TBC1D4: variants seen among roughly 807,000 people sequenced by gnomAD.
The protein encoded by TBC1D4 is TBC (Tre-2, BUB2, CDC16) domain-containing protein.
In TBC1D4, 121 loss-of-function variants were observed where a neutral mutation model predicts 142.5. The observed-to-expected ratio is 0.85, with a 90% CI of 0.73 to 0.99. The LOEUF (loss-of-function observed/expected upper bound fraction) is 0.99. TBC1D4 is among the 50% of genes least tolerant of loss of function. The pLI is 0.00. For synonymous variants in TBC1D4, 630 were observed against 628.2 expected (o/e 1.00, Z -0.04); for missense variants, 1,475 against 1,606.6 (o/e 0.92, Z 1.40).
intron 4 of TBC1D4, among the ~76,000 whole-genome samples, chr13:75,353,631 G>T (rs1383463838): frequency 1.3e-5 from 2 of 152,092 alleles, no homozygotes; most frequent in Non-Finnish European, 2.9e-5. Context: ...GCAAAAAAGG[G>T]GGTCAAGAAA....
intron 1 of TBC1D4, among the ~76,000 whole-genome samples, chr13:75,441,174 T>C (rs1239553000): frequency 6.6e-6 from 1 of 152,072 alleles, no homozygotes; most frequent in African/African-American, 2.4e-5. Flanking sequence ...GAGAATCACT[T>C]GAACCTGGGA....
intron 1 of TBC1D4, among the ~76,000 whole-genome samples, chr13:75,451,504 A>C (rs1466540960): frequency 1.3e-5 from 2 of 149,362 alleles, no homozygotes. Context: ...TTTGAGTGAG[A>C]CTCCATCTCT....
chr13:75,448,106 G>T (rs144127085), intron 1 of TBC1D4, among the ~76,000 whole-genome samples: 1 of 152,226 alleles, frequency 6.6e-6, no homozygotes, highest in East Asian at 1.9e-4. Context: ...TGCCAAAAAG[G>T]TTGGGGACTG....
intron 11 of TBC1D4, among the ~76,000 whole-genome samples, chr13:75,321,151 TA>T (rs1878739747): frequency 6.6e-6 from 1 of 152,150 alleles, no homozygotes; most frequent in Non-Finnish European, 1.5e-5. Flanking sequence ...AGATATTAAG[TA>T]TTCAACTGAC....
intron 1 of TBC1D4, among the ~76,000 whole-genome samples, chr13:75,388,459 A>G (rs1016918839): frequency 1.3e-5 from 2 of 152,186 alleles, no homozygotes; most frequent in African/African-American, 2.4e-5. Flanking sequence ...AAATTTTAAG[A>G]AACTGAATAA....
intron 1 of TBC1D4, among the ~76,000 whole-genome samples, chr13:75,445,926 G>T (rs928567028): frequency 3.9e-5 from 6 of 152,184 alleles, no homozygotes; most frequent in Non-Finnish European, 7.3e-5. Context: ...TTACAGAGCA[G>T]CTGGTTTTAT....
At chr13:75,426,646 T>A (rs577900996) in intron 1 of TBC1D4, among the ~76,000 whole-genome samples, 1 of 152,192 alleles carries the variant, frequency 6.6e-6, no homozygotes, top group East Asian at 1.9e-4. Context: ...AGCAATCTTG[T>A]GCAATCCCTT....
At chr13:75,349,610 C>T (rs1881438811) in intron 4 of TBC1D4, among the ~76,000 whole-genome samples, 3 of 152,134 alleles carry the variant, frequency 2.0e-5, no homozygotes, top group Admixed American at 1.3e-4. Flanking sequence ...TTAGTTAATC[C>T]TTCTGTTTAA....
intron 4 of TBC1D4, among the ~76,000 whole-genome samples, chr13:75,354,390 AAAG>A (rs1329953459): frequency 1.3e-5 from 2 of 152,218 alleles, no homozygotes; most frequent in Admixed American, 6.5e-5. Flanking sequence ...GGGCCCAAGT[AAAG>A]AAGATGAATG....
intron 1 of TBC1D4, among the ~76,000 whole-genome samples, chr13:75,455,553 G>A (rs1223067075): frequency 1.3e-5 from 2 of 151,996 alleles, no homozygotes; most frequent in Non-Finnish European, 2.9e-5. Flanking sequence ...TCCAGCCTGC[G>A]AACATAAATA....
chr13:75,344,033 G>C (rs1383606528), intron 5 of TBC1D4, among the ~76,000 whole-genome samples: 1 of 151,384 alleles, frequency 6.6e-6, no homozygotes, highest in Non-Finnish European at 1.5e-5. Context: ...TAGAGACGGA[G>C]TTTCACCATT....
chr13:75,455,994 A>G (rs1300363799), intron 1 of TBC1D4, among the ~76,000 whole-genome samples: 1 of 151,864 alleles, frequency 6.6e-6, no homozygotes, highest in Non-Finnish European at 1.5e-5. Context: ...TGCTACTCAT[A>G]TAGGCTTTTT....
intron 8 of TBC1D4, 148 bp from the exon 9 acceptor site, chr13:75,327,974 A>G (rs1879421882): frequency 4.1e-6 from 3 of 732,006 alleles, no homozygotes; most frequent in Non-Finnish European, 7.1e-6. Context: ...ATTAATAGTC[A>G]TTACAGCACA....
At chr13:75,306,623 C>T in intron 14 of TBC1D4, 152 bp from the exon 15 acceptor site, 1 of 880,452 alleles carries the variant, frequency 1.1e-6, no homozygotes, top group South Asian at 1.7e-5. Flanking sequence ...ATTGAGGATA[C>T]ATGAAAGGGT....
rs200000319 is a variant in TBC1D4 at position 75,466,878 on chromosome 13, AT to A, written c.498+14391del. ...AAGTGAGACTCTGTCTCAAAAAAAA[AT>A]AATAATAATTTAAAAATTAAAAAAA... On this transcript the variant is annotated intron_variant, in intron 1 of 20. Coordinates refer to ENST00000377636, the MANE Select transcript of TBC1D4 (RefSeq NM_014832.5). 8.8e-3 allele frequency among the ~76,000 whole-genome samples: 1,343 copies of A among 151,988 alleles called. 19 individuals carry two copies. Among genetic ancestry groups the A allele is most frequent in the African/African-American group, 0.03 (1,235 of 41,456 alleles).
Position 75,329,141 on chromosome 13 carries a change from C to T in TBC1D4, c.1732-1315G>A, listed in dbSNP as rs147650133. Among the ~76,000 whole-genome samples the T allele has an allele frequency of 2.3e-3, 348 of 152,116 alleles. 2 individuals are homozygous for T. Among genetic ancestry groups the T allele is most frequent in the African/African-American group, 8.2e-3 (339 of 41,498 alleles). ...CCCCCACACACACCTTTCTTCCCCT[C>T]TTCCTTCAATATAGTTACATCACGA... On this transcript the variant is annotated intron_variant, in intron 8 of 20. Transcript: ENST00000377636.
chr13:75,304,987 C>A (rs1877020487), intron 15 of TBC1D4, among the ~76,000 whole-genome samples: 1 of 152,184 alleles, frequency 6.6e-6, no homozygotes, highest in Non-Finnish European at 1.5e-5. Flanking sequence ...CAAATCTCAT[C>A]TTGAACTGTA....
At chr13:75,291,319 C>T (rs547487480) in intron 19 of TBC1D4, among the ~76,000 whole-genome samples, 3 of 152,192 alleles carry the variant, frequency 2.0e-5, no homozygotes, top group Non-Finnish European at 2.9e-5. Flanking sequence ...AAGACCACAA[C>T]AACCAGCACA....
intron 1 of TBC1D4, among the ~76,000 whole-genome samples, chr13:75,439,164 G>A (rs1886927003): frequency 1.3e-5 from 2 of 152,064 alleles, no homozygotes; most frequent in South Asian, 4.1e-4. Context: ...CCAGTTTATT[G>A]ATGGCAACTT....
Sources: allele counts gnomAD v4.1 joint callset (sites outside exome capture counted in the v4.1 genomes callset), GRCh38; gene constraint gnomAD v4.1.1; transcripts MANE v1.5; gene names NCBI Gene and HGNC (gene_info 2026-07-23, HGNC 2026-07-21).